KCND2: variants seen among roughly 807,000 people sequenced by gnomAD.
The protein encoded by KCND2 is potassium voltage-gated channel subfamily D member 2.
Under a neutral mutation model 54.4 loss-of-function variants are expected in KCND2, and 16 were observed. The ratio of observed to expected loss-of-function variants is 0.29; its 90% confidence interval spans 0.20 to 0.45. The LOEUF is 0.45. Ranked by LOEUF, KCND2 falls within the 20% of genes least tolerant of loss-of-function variation. The probability of loss-of-function intolerance (pLI) is 1.00; values close to 1 mark genes in which losing one functional copy is unlikely to be tolerated. For missense variants in KCND2, 486 were observed against 824.2 expected, an observed-to-expected ratio of 0.59 and a Z score of 5.02; for synonymous variants, 317 against 310.7, an observed-to-expected ratio of 1.02 and a Z score of -0.21.
At chr7:120,577,658 T>C (rs1792454234) in intron 1 of KCND2, among the ~76,000 whole-genome samples, 1 of 152,210 alleles carries the variant, frequency 6.6e-6, no homozygotes, top group Admixed American at 6.5e-5. Context: ...CAATCTCGGC[T>C]CACTGCAACC....
intron 1 of KCND2, among the ~76,000 whole-genome samples, chr7:120,719,320 T>C (rs1792640052): frequency 6.6e-6 from 1 of 152,172 alleles, no homozygotes; most frequent in Non-Finnish European, 1.5e-5. Context: ...TCAACCACCA[T>C]TGATCATGTA....
At chr7:120,291,663 G>A (rs1799437365) in intron 1 of KCND2, among the ~76,000 whole-genome samples, 1 of 151,910 alleles carries the variant, frequency 6.6e-6, no homozygotes, top group Non-Finnish European at 1.5e-5. Flanking sequence ...TGCAGATCTG[G>A]GATTTTGAAC....
At position 120,741,569 on chromosome 7, in the gene KCND2, C is replaced by T. The variant is rs758879867; in HGVS notation, c.1314C>T (p.Ser438=). 1.1e-5 allele frequency: 17 copies of T among 1,613,128 alleles called. No homozygotes were observed. In the Admixed American group the frequency reaches 1.8e-4, roughly 17 times the overall value. ...ARLARIRAAK[S]GSANAYMQSK... is the part of the protein sequence containing the mutation. The stretch of plus-strand genomic sequence containing the variant: ...TGGCCAGGATCCGGGCAGCCAAAAG[C>T]GGAAGCGCAAATGCTTACATGCAGA... Residue 438 remains serine, a synonymous_variant, in exon 3 of 6, where the codon AGC becomes AGT. Coordinates refer to ENST00000331113, the MANE Select transcript of KCND2 (RefSeq NM_012281.3).
At chr7:120,423,055 T>C (rs963423488) in intron 1 of KCND2, among the ~76,000 whole-genome samples, 6 of 152,320 alleles carry the variant, frequency 3.9e-5, no homozygotes. Flanking sequence ...GATCAACATA[T>C]ATTGCACCTT....
At chr7:120,386,977 A>C (rs1275461438) in intron 1 of KCND2, among the ~76,000 whole-genome samples, 1 of 152,132 alleles carries the variant, frequency 6.6e-6, no homozygotes, top group South Asian at 2.1e-4. Context: ...AACAAAATTA[A>C]CTAAATCATC....
At chr7:120,578,886 C>T (rs1792474413) in intron 1 of KCND2, among the ~76,000 whole-genome samples, 1 of 150,722 alleles carries the variant, frequency 6.6e-6, no homozygotes, top group Non-Finnish European at 1.5e-5. Context: ...CCACTGCACT[C>T]CAACCTGGGT....
chr7:120,452,911 C>T (rs999073728), intron 1 of KCND2, among the ~76,000 whole-genome samples: 1 of 152,184 alleles, frequency 6.6e-6, no homozygotes, highest in African/African-American at 2.4e-5. Context: ...TGAGCACCCT[C>T]TGTCTGCTGG....
intron 1 of KCND2, among the ~76,000 whole-genome samples, chr7:120,526,378 A>C (rs1053244980): frequency 1.3e-5 from 2 of 152,138 alleles, no homozygotes; most frequent in African/African-American, 4.8e-5. Flanking sequence ...TTTGACTCCT[A>C]ATATACAGAA....
intron 1 of KCND2, among the ~76,000 whole-genome samples, chr7:120,313,922 G>A (rs1357483865): frequency 6.6e-6 from 1 of 151,284 alleles, no homozygotes; most frequent in Admixed American, 6.6e-5. Context: ...CCTTTGTAAG[G>A]ACACTTTTAT....
chr7:120,336,085 A>T (rs1242865993), intron 1 of KCND2, among the ~76,000 whole-genome samples: 1 of 151,344 alleles, frequency 6.6e-6, no homozygotes, highest in Admixed American at 6.6e-5. Flanking sequence ...GGATAAACAT[A>T]TAGTTATATA....
intron 1 of KCND2, among the ~76,000 whole-genome samples, chr7:120,492,932 G>A (rs1328646474): frequency 6.6e-6 from 1 of 151,886 alleles, no homozygotes; most frequent in Non-Finnish European, 1.5e-5. Context: ...TTGAGGTATG[G>A]TTCCTATTGA....
At chr7:120,431,889 AT>A (rs1365632928) in intron 1 of KCND2, among the ~76,000 whole-genome samples, 3 of 151,988 alleles carry the variant, frequency 2.0e-5, no homozygotes, top group Non-Finnish European at 4.4e-5. Flanking sequence ...ATAATCTTCC[AT>A]ACTCTACTGT....
chr7:120,689,446 A>C (rs1216170765), intron 1 of KCND2, among the ~76,000 whole-genome samples: 2 of 152,180 alleles, frequency 1.3e-5, no homozygotes, highest in Non-Finnish European at 2.9e-5. Flanking sequence ...GATTTCATAG[A>C]TTGCTTTCCT....
At position 120,376,327 on chromosome 7, in the gene KCND2, C is replaced by A. The variant is rs114533753; in HGVS notation, c.1115+100580C>A. Among the ~76,000 whole-genome samples the A allele has an allele frequency of 8.6e-3, 1,312 of 151,766 alleles. 17 individuals are homozygous for A. Among genetic ancestry groups the A allele is most frequent in the African/African-American group, 0.03 (1,242 of 41,514 alleles). On this transcript the variant is annotated intron_variant, in intron 1 of 5. Transcript: ENST00000331113. ...AGCTAAGAACAATTGTCAATCCTTG[C>A]AAACGTCTTCTGCCAACTTTTAAAG...
intron 1 of KCND2, among the ~76,000 whole-genome samples, chr7:120,540,907 A>G (rs1050087555): frequency 6.6e-6 from 1 of 152,204 alleles, no homozygotes; most frequent in African/African-American, 2.4e-5. Context: ...TGTAATGTTA[A>G]CTTACTGACT....
At position 120,275,094 on chromosome 7, in the gene KCND2, C is replaced by T. The variant is rs1443815775; in HGVS notation, c.462C>T (p.Thr154=). Residue 154 remains threonine (T), a synonymous_variant, in exon 1 of 6, where the codon ACC becomes ACT. Coordinates refer to ENST00000331113, the MANE Select transcript of KCND2 (RefSeq NM_012281.3). ...NAERLQDDAD[T]DTAGESALPT... is the part of the protein sequence containing the mutation. Reference sequence around the variant, plus strand: ...AGCGCCTGCAGGACGACGCGGATACCGACACCGCTGGGGAGAGCGCCTTGC... The same window carrying T: ...AGCGCCTGCAGGACGACGCGGATACTGACACCGCTGGGGAGAGCGCCTTGC... 4 of 1,613,680 alleles carry T rather than the reference C, an allele frequency of 2.5e-6. No homozygotes were observed. Among genetic ancestry groups the T allele is most frequent in the South Asian group, 1.1e-5 (1 of 91,078 alleles).
chr7:120,638,623 T>C (rs1372430875), intron 1 of KCND2, among the ~76,000 whole-genome samples: 5 of 152,138 alleles, frequency 3.3e-5, no homozygotes, highest in Non-Finnish European at 7.4e-5. Context: ...TGATTTTCAA[T>C]TTGATGACAA....
At chr7:120,439,422 T>C (rs1252006005) in intron 1 of KCND2, among the ~76,000 whole-genome samples, 2 of 152,108 alleles carry the variant, frequency 1.3e-5, no homozygotes, top group Admixed American at 6.5e-5. Flanking sequence ...CAGAGTGATA[T>C]TTCAACACAT....
chr7:120,543,634 T>C (rs1421947273), intron 1 of KCND2, among the ~76,000 whole-genome samples: 1 of 152,048 alleles, frequency 6.6e-6, no homozygotes, highest in African/African-American at 2.4e-5. Flanking sequence ...GTACAAATTA[T>C]GTCTAAACCT....
Sources: allele counts gnomAD v4.1 joint callset (sites outside exome capture counted in the v4.1 genomes callset), GRCh38; gene constraint gnomAD v4.1.1; transcripts MANE v1.5; gene names NCBI Gene and HGNC (gene_info 2026-07-23, HGNC 2026-07-21).